Variants in IDE observed in about 807,000 individuals in gnomAD.
IDE encodes the protein insulin-degrading enzyme.
Under a neutral mutation model 133.2 loss-of-function variants are expected in IDE, and 58 were observed. The observed-to-expected ratio is 0.44, with a 90% CI of 0.35 to 0.54. The LOEUF is 0.54. IDE is among the 20% of genes least tolerant of loss of function. The pLI is 0.00. For missense variants in IDE, 981 were observed against 1,234.0 expected, an observed-to-expected ratio of 0.79 and a Z score of 3.07; for synonymous variants, 396 against 421.3, an observed-to-expected ratio of 0.94 and a Z score of 0.73.
intron 11 of IDE, among the ~76,000 whole-genome samples, chr10:92,493,920 A>G (rs1847525268): frequency 6.6e-6 from 1 of 152,214 alleles, no homozygotes; most frequent in African/African-American, 2.4e-5. Context: ...CCTATGAACC[A>G]GAGTGTGAAA....
intron 4 of IDE, among the ~76,000 whole-genome samples, chr10:92,521,478 A>G (rs984112629): frequency 1.3e-5 from 2 of 152,046 alleles, no homozygotes; most frequent in Non-Finnish European, 2.9e-5. Context: ...CCAAGAGGGG[A>G]GTGAGGGGAA....
intron 4 of IDE, among the ~76,000 whole-genome samples, chr10:92,519,263 T>C (rs1849089802): frequency 6.6e-6 from 1 of 152,146 alleles, no homozygotes. Context: ...TAAGAAACCA[T>C]GTATGGAGAA....
chr10:92,496,847 T>C (rs1399567937), intron 11 of IDE, among the ~76,000 whole-genome samples: 1 of 152,202 alleles, frequency 6.6e-6, no homozygotes, highest in Non-Finnish European at 1.5e-5. Flanking sequence ...TCACAATTTC[T>C]AATGCTTAGG....
Position 92,470,316 on chromosome 10 carries a change from T to A in IDE, c.2146A>T (p.Ile716Leu). 6 of 1,606,218 alleles carry A rather than the reference T, an allele frequency of 3.7e-6. No homozygotes were observed. Among genetic ancestry groups the A allele is most frequent in the Non-Finnish European group, 5.1e-6 (6 of 1,175,818 alleles). The change falls in exon 18 of 25, where the codon ATA becomes TTA. Residue 716 changes from isoleucine to leucine, a missense_variant. Ile to Leu is a conservative substitution (Grantham distance 5, BLOSUM62 2). This residue lies in a region of IDE where 660 missense variants were observed against 894.7 expected (regional missense o/e 0.74). Coordinates refer to ENST00000265986, the MANE Select transcript of IDE (RefSeq NM_004969.4). The stretch of plus-strand genomic sequence containing the variant: ...TGCAGCCGTGACAGGAGCTGAGGTA[T>A]GAAGGCCTTAAGGCGAGGAAGGGTT... ...DVTLPRLKAF[I>L]PQLLSRLHIE...
At chr10:92,473,625 A>T (rs539267455) in intron 17 of IDE, among the ~76,000 whole-genome samples, 2 of 142,280 alleles carry the variant, frequency 1.4e-5, no homozygotes, top group Non-Finnish European at 3.1e-5. Context: ...CTAAAGCAGG[A>T]AAAAAAAAAA....
chr10:92,459,181 G>C (rs1845220080), intron 22 of IDE, among the ~76,000 whole-genome samples: 1 of 152,204 alleles, frequency 6.6e-6, no homozygotes, highest in African/African-American at 2.4e-5. Flanking sequence ...TTGCAGAAGA[G>C]TTGCTGGGAG....
chr10:92,532,520 C>T (rs1448747040), intron 3 of IDE, among the ~76,000 whole-genome samples: 5 of 151,904 alleles, frequency 3.3e-5, no homozygotes, highest in Admixed American at 1.3e-4. Context: ...TGATTATGGG[C>T]GTTTATGAAA....
intron 4 of IDE, among the ~76,000 whole-genome samples, chr10:92,520,713 CTGAG>C (rs1468295337): frequency 1.3e-5 from 2 of 152,158 alleles, no homozygotes; most frequent in Non-Finnish European, 2.9e-5. Flanking sequence ...TCCTCTGCAG[CTGAG>C]TAAGTATATG....
intron 5 of IDE, among the ~76,000 whole-genome samples, chr10:92,512,945 A>T (rs116158126): frequency 0.07 from 10,641 of 152,166 alleles, 438 homozygotes; most frequent in Middle Eastern, 0.18. Flanking sequence ...TAAACCTCAC[A>T]ACAGGTACAA....
At chr10:92,515,155 C>T in intron 4 of IDE, 113 bp from the exon 5 acceptor site, 1 of 770,870 alleles carries the variant, frequency 1.3e-6, no homozygotes, top group Non-Finnish European at 2.1e-6. Flanking sequence ...AGTTCTAATA[C>T]ACAGAATAAC....
chr10:92,511,247 G>A (rs531206007), intron 5 of IDE, among the ~76,000 whole-genome samples: 5 of 151,862 alleles, frequency 3.3e-5, no homozygotes, highest in African/African-American at 7.2e-5. Context: ...GATTACAGGC[G>A]TGTGCCACCA....
chr10:92,525,752 G>GA (rs59547662), intron 4 of IDE, among the ~76,000 whole-genome samples: 148 of 116,398 alleles, frequency 1.3e-3, no homozygotes, highest in African/African-American at 1.7e-3. Flanking sequence ...TGAACAATCT[G>GA]AAAAAAAAAA....
At chr10:92,555,648 C>T (rs1188054808) in intron 1 of IDE, among the ~76,000 whole-genome samples, 5 of 151,940 alleles carry the variant, frequency 3.3e-5, no homozygotes, top group African/African-American at 7.3e-5. Flanking sequence ...TCTTTCATGA[C>T]AAAAATGCTG....
chr10:92,463,066 A>G (rs936092211), intron 21 of IDE, among the ~76,000 whole-genome samples: 7 of 152,220 alleles, frequency 4.6e-5, no homozygotes, highest in Non-Finnish European at 1.0e-4. Context: ...CTCTGAAAGA[A>G]CAAAACAAAA....
chr10:92,485,836 G>A (rs1269595849), intron 13 of IDE, among the ~76,000 whole-genome samples: 2 of 152,036 alleles, frequency 1.3e-5, no homozygotes, highest in Non-Finnish European at 1.5e-5. Context: ...CAGCTACTTA[G>A]GAGGCTGAGG....
chr10:92,495,059 T>G (rs1425965505), intron 11 of IDE, among the ~76,000 whole-genome samples: 1 of 152,060 alleles, frequency 6.6e-6, no homozygotes, highest in East Asian at 1.9e-4. Flanking sequence ...TTCATTAATT[T>G]TTAATTTTTC....
At chr10:92,472,802 C>T (rs1424898254) in intron 17 of IDE, among the ~76,000 whole-genome samples, 1 of 151,746 alleles carries the variant, frequency 6.6e-6, no homozygotes, top group Non-Finnish European at 1.5e-5. Flanking sequence ...CCATGCCCAG[C>T]TAATTTTTGT....
chr10:92,572,593 C>CA (rs2135863356), intron 1 of IDE, among the ~76,000 whole-genome samples: 1 of 152,302 alleles, frequency 6.6e-6, no homozygotes, highest in East Asian at 1.9e-4. Context: ...CTTTCCAGCT[C>CA]AAAAACTTTA....
intron 1 of IDE, among the ~76,000 whole-genome samples, chr10:92,552,275 C>T (rs1294090929): frequency 6.6e-6 from 1 of 151,976 alleles, no homozygotes; most frequent in Non-Finnish European, 1.5e-5. Context: ...ACTATGTGTA[C>T]ACTAGAATTG....
Sources: allele counts gnomAD v4.1 joint callset (sites outside exome capture counted in the v4.1 genomes callset), GRCh38; gene constraint gnomAD v4.1.1; regional missense constraint gnomAD v4.1.1; transcripts MANE v1.5; gene names NCBI Gene and HGNC (gene_info 2026-07-23, HGNC 2026-07-21).